The following C5 variants were observed in gnomAD, a reference collection of about 807,000 sequenced individuals.
The protein encoded by C5 is complement C5, also known as C3 and PZP-like alpha-2-macroglobulin domain-containing protein 4.
A neutral mutation model predicts 218.8 loss-of-function variants in C5; 140 were observed. The ratio of observed to expected loss-of-function variants is 0.64; its 90% confidence interval spans 0.56 to 0.74. The LOEUF (loss-of-function observed/expected upper bound fraction) is 0.74. Ranked by LOEUF, C5 falls within the 30% of genes least tolerant of loss-of-function variation. The probability of loss-of-function intolerance (pLI) is 0.00; values close to 1 mark genes in which losing one functional copy is unlikely to be tolerated. For synonymous variants in C5, 614 were observed against 682.3 expected (o/e 0.90, Z 1.56); for missense variants, 1,700 against 1,969.6 (o/e 0.86, Z 2.59).
In C5 at chr9:121,017,764, T is replaced by C. The variant is rs763040632; in HGVS notation, c.1595A>G (p.Gln532Arg). The change falls in exon 13 of 41, where the codon CAG (glutamine) becomes CGG (arginine). Residue 532 changes from glutamine (Q) to arginine (R), a missense_variant. Coordinates refer to ENST00000223642, the MANE Select transcript of C5 (RefSeq NM_001735.3). ...SYQSINIPVT[Q>R]NMVPSSRLLV... is the part of the protein sequence containing the mutation. ...AAGTCGGGATGAAGGAACCATGTTC[T>C]GTGTTACTGGAATGTTTATACTTTG... is the stretch of plus-strand genomic sequence containing the variant. The C allele has an allele frequency of 1.2e-6, 2 of 1,613,330 alleles. No individual in the cohort carries two copies. Among genetic ancestry groups the C allele is most frequent in the East Asian group, 4.5e-5 (2 of 44,882 alleles).
intron 26 of C5, 92 bp downstream of exon 26, chr9:120,982,563 T>TTTCTTC: frequency 9.5e-7 from 1 of 1,054,488 alleles, no homozygotes; most frequent in Non-Finnish European, 1.4e-6. Flanking sequence ...ATTACATTTT[T>TTTCTTC]TTCTTCTTCT....
At chr9:120,960,813 C>T (rs938980833) in intron 37 of C5, among the ~76,000 whole-genome samples, 1 of 152,200 alleles carries the variant, frequency 6.6e-6, no homozygotes, top group South Asian at 2.1e-4. Flanking sequence ...GGTGGCTACT[C>T]CACATTCAGG....
intron 30 of C5, 69 bp from the exon 31 acceptor site, chr9:120,972,061 T>C: frequency 7.5e-7 from 1 of 1,340,974 alleles, no homozygotes; most frequent in South Asian, 1.2e-5. Context: ...GATAGAGCTA[T>C]GAAAAGTGGG....
rs774096012 is a variant in C5, at chr9:120,976,938, A to G, written c.3659-33T>C. The G allele has an allele frequency of 7.1e-6, 11 of 1,553,878 alleles. No homozygotes were observed. The Admixed American group carries it at 1.8e-4, about 26-fold the overall frequency. The stretch of plus-strand genomic sequence containing the variant: ...TCAACAAATTCCATTCATTAATATG[A>G]TTAAAAATGTGAATTTGACATAATA... On this transcript the variant is annotated intron_variant, in intron 28 of 40. Transcript: ENST00000223642.
chr9:121,015,871 G>T (rs920328659), intron 15 of C5, among the ~76,000 whole-genome samples: 1 of 152,156 alleles, frequency 6.6e-6, no homozygotes, highest in South Asian at 2.1e-4. Context: ...AAGAGGTCTC[G>T]TAGAGGCGAT....
intron 20 of C5, among the ~76,000 whole-genome samples, chr9:121,000,664 A>G (rs964811514): frequency 6.6e-6 from 1 of 152,252 alleles, no homozygotes; most frequent in Admixed American, 6.5e-5. Context: ...GAAAATATAG[A>G]AAAAACAGTT....
Position 121,025,428 on chromosome 9 carries a change from A to ACACACACC in C5, c.1000+25_1000+26insGGTGTGTG, listed in dbSNP as rs766665179. ...TTTTCAAAAGAAAGTATACACACAC[A>ACACACACC]CACACACACACACACACACACTTAC... On this transcript the variant is annotated intron_variant, in intron 9 of 40. Transcript: ENST00000223642. 396 of 1,591,072 alleles carry ACACACACC rather than the reference A, an allele frequency of 2.5e-4. No individual in the cohort carries two copies. The Middle Eastern group carries it at 6.8e-3, about 27-fold the overall frequency.
intron 34 of C5, 82 bp downstream of exon 34, chr9:120,963,554 T>C (rs1461104343): frequency 2.8e-6 from 3 of 1,060,268 alleles, no homozygotes; most frequent in Non-Finnish European, 4.3e-6. Context: ...TATATTCAAA[T>C]GAAAGAAAGT....
At chr9:121,071,375 T>A in the C5 span, among the ~76,000 whole-genome samples, 8 of 148,958 alleles carry the variant, frequency 5.4e-5, no homozygotes, top group Non-Finnish European at 1.5e-5. Context: ...CAAAAAAAAA[T>A]AAATGAATAA....
intron 9 of C5, among the ~76,000 whole-genome samples, 195 bp downstream of exon 9, chr9:121,025,259 A>G (rs1389159776): frequency 6.6e-6 from 1 of 152,196 alleles, no homozygotes; most frequent in Admixed American, 6.5e-5. Context: ...TCCAATGACT[A>G]AAAAGAAGCA....
chr9:121,006,927 T>C lies in C5; in HGVS notation c.2399A>G (p.Gln800Arg), dbSNP rs531503832. 8.7e-6 allele frequency: 14 copies of C among 1,612,198 alleles called. No homozygotes were observed. The highest frequency in any genetic ancestry group is 1.7e-4 in the Middle Eastern group (1 of 6,054). The change falls in exon 19 of 41, where the codon CAA becomes CGA. Residue 800 changes from glutamine (Q) to arginine (R), a missense_variant. Coordinates refer to ENST00000223642, the MANE Select transcript of C5 (RefSeq NM_001735.3). The stretch of plus-strand genomic sequence containing the variant: ...ACCAGTGTTTGAAATGCCAACGCCT[T>C]GAATTTCCCAGGTGGTTAGAGAATC... Reference protein sequence around the residue: ...LPDSLTTWEIQGVGISNTGIC... With the variant: ...LPDSLTTWEIRGVGISNTGIC...
chr9:121,042,900 A>T, intron 3 of C5, 104 bp downstream of exon 3: 1 of 913,604 alleles, frequency 1.1e-6, no homozygotes. Flanking sequence ...AGCAAATTAA[A>T]AAGAAACCGA....
chr9:121,017,541 A>C (rs1321629502), intron 13 of C5, 30 bp from the exon 14 acceptor site: 1 of 1,612,442 alleles, frequency 6.2e-7, no homozygotes, highest in Admixed American at 1.7e-5. Flanking sequence ...AGAAAAGAAA[A>C]GATCATTTGT....
intron 22 of C5, among the ~76,000 whole-genome samples, chr9:120,994,602 A>T (rs985922583): frequency 4.0e-5 from 6 of 149,078 alleles, no homozygotes; most frequent in South Asian, 2.2e-4. Context: ...CAAAAAAAAA[A>T]TAATAAATAT....
Position 120,956,258 on chromosome 9 carries a change from C to A in C5, c.4762+1027G>T, listed in dbSNP as rs138874189. On this transcript the variant is annotated intron_variant, in intron 39 of 40. Coordinates refer to ENST00000223642, the MANE Select transcript of C5 (RefSeq NM_001735.3). ...GCAGTGAGCCAAGATCGTGCCACTG[C>A]GCTCCAGCCTGGGTGACAGAGTGAA... Among the ~76,000 whole-genome samples the A allele has an allele frequency of 5.3e-4, 81 of 152,038 alleles. No homozygotes were observed. The East Asian group carries it at 0.015, about 28-fold the overall frequency.
At position 121,028,929 on chromosome 9, in the gene C5, A is replaced by G. The variant is rs572516066; in HGVS notation, c.758+1468T>C. 4.2e-4 allele frequency among the ~76,000 whole-genome samples: 64 copies of G among 152,282 alleles called. 2 individuals are homozygous for G. The South Asian group carries it at 0.013, about 31-fold the overall frequency. On this transcript the variant is annotated intron_variant, in intron 7 of 40. Transcript: ENST00000223642. ...GCTATGTGCTAGATGAAAAAAATTG[A>G]TCTTGGGGAGATCACAAGACTTAGA...
chr9:121,037,312 T>A (rs2047535439), intron 4 of C5, among the ~76,000 whole-genome samples: 2 of 151,446 alleles, frequency 1.3e-5, no homozygotes, highest in African/African-American at 4.8e-5. Context: ...GTTTTTTTTT[T>A]TTTTTTAGAT....
intron 24 of C5, 62 bp downstream of exon 24, chr9:120,989,506 G>T: frequency 9.1e-7 from 1 of 1,101,464 alleles, no homozygotes; most frequent in Non-Finnish European, 1.3e-6. Context: ...TTAAATATTA[G>T]TTTAATAAAA....
chr9:120,971,730 C>A (rs769323210), intron 31 of C5, among the ~76,000 whole-genome samples, 200 bp downstream of exon 31: 1 of 152,194 alleles, frequency 6.6e-6, no homozygotes, highest in Non-Finnish European at 1.5e-5. Context: ...AGCCACCATG[C>A]CTGACCAACA....
Sources: gnomAD v4.1 joint callset for allele counts (sites outside exome capture counted in the v4.1 genomes callset) on GRCh38, gnomAD v4.1.1 for gene constraint, MANE v1.5 for transcripts, NCBI Gene and HGNC (gene_info 2026-07-23, HGNC 2026-07-21) for gene names.